The following ADGRB2 variants were observed in gnomAD, a reference collection of about 807,000 sequenced individuals.
The protein encoded by ADGRB2 is adhesion G protein-coupled receptor B2.
ADGRB2 carries 47 observed loss-of-function variants against 178.7 expected under a neutral mutation model. The observed-to-expected ratio is 0.26, with a 90% confidence interval of 0.21 to 0.34. The LOEUF is 0.34. Ranked by LOEUF, ADGRB2 falls within the 10% of genes least tolerant of loss-of-function variation. The probability of loss-of-function intolerance (pLI) is 1.00; values close to 1 mark genes in which losing one functional copy is unlikely to be tolerated. For synonymous variants in ADGRB2, 870 were observed against 912.4 expected, an observed-to-expected ratio of 0.95 and a Z score of 0.84; for missense variants, 1,584 against 2,180.8, an observed-to-expected ratio of 0.73 and a Z score of 5.45.
intron 6 of ADGRB2, among the ~76,000 whole-genome samples, chr1:31,743,936 T>C (rs1368616208): frequency 2.0e-5 from 3 of 152,186 alleles, no homozygotes; most frequent in Admixed American, 6.5e-5. Flanking sequence ...CGAGCCTTGG[T>C]TACCAGGATG....
Position 31,735,984 on chromosome 1 carries a change from C to T in ADGRB2, c.3201-91G>A, listed in dbSNP as rs1645586913. The T allele has an allele frequency of 4.5e-6, 6 of 1,322,744 alleles. No homozygotes were observed. Among genetic ancestry groups the T allele is most frequent in the Non-Finnish European group, 6.2e-6 (6 of 964,782 alleles). The allele number at this position is 1,322,744 out of a possible 1,614,324, so 81.9% of individuals were successfully genotyped here. On this transcript the variant is annotated intron_variant, in intron 22 of 32. Coordinates refer to ENST00000373658, the MANE Select transcript of ADGRB2 (RefSeq NM_001364857.2). This position sits in a 1 kb window ranked among gnomAD's most constrained non-coding sequence, Gnocchi z 6.0. ...CCCTCAGTCCTCCCAGGCTGCCATG[C>T]CCGCATCACCAGTGCAGTCTGAGCC...
At chr1:31,746,910 C>T (rs1303228639) in intron 4 of ADGRB2, among the ~76,000 whole-genome samples, 1 of 152,234 alleles carries the variant, frequency 6.6e-6, no homozygotes, top group East Asian at 1.9e-4. Context: ...TCCTCTGACC[C>T]TCTGTTTCCC....
At chr1:31,732,243 G>T (rs1405477558) in intron 27 of ADGRB2, 89 bp from the exon 28 acceptor site, 3 of 1,558,018 alleles carry the variant, frequency 1.9e-6, no homozygotes, top group African/African-American at 1.4e-5. Context: ...AGCCAGCTTT[G>T]CCCAGTCTGC....
chr1:31,737,625 G>A (rs1208393831), intron 19 of ADGRB2, 27 bp downstream of exon 19: 1 of 1,612,670 alleles, frequency 6.2e-7, no homozygotes, highest in Non-Finnish European at 8.5e-7. Context: ...CCCTCCCCCA[G>A]CCACAAGAGC....
At chr1:31,738,373 C>A (rs1473144027) in intron 17 of ADGRB2, 47 bp from the exon 18 acceptor site, 1 of 1,610,890 alleles carries the variant, frequency 6.2e-7, no homozygotes, top group South Asian at 1.1e-5. Context: ...GCTACGTGGC[C>A]CTGCCCCCAG....
In ADGRB2 at chr1:31,744,949, C is replaced by T. The variant is rs1646199031; in HGVS notation, c.839-218G>A. 6.6e-6 allele frequency among the ~76,000 whole-genome samples: 1 copy of T among 152,234 alleles called. No homozygotes were observed. On this transcript the variant is annotated intron_variant, in intron 4 of 32. Transcript: ENST00000373658. The surrounding 1 kb of genome is among the most constrained non-coding windows in gnomAD (Gnocchi z 6.7). ...GCTACACAGGACTAGGCCCTGACCT[C>T]ACAGTCATCTTTTCCACCTCTTGCC...
At chr1:31,739,130 C>T in intron 15 of ADGRB2, 178 bp downstream of exon 15, 1 of 888,106 alleles carries the variant, frequency 1.1e-6, no homozygotes, top group Non-Finnish European at 1.7e-6. Flanking sequence ...GCAGCCCAGC[C>T]TCTGAGAGCA....
Position 31,742,882 on chromosome 1 carries a change from C to T in ADGRB2, c.1208G>A (p.Gly403Asp), listed in dbSNP as rs1268012365. ...GCAGAGCTTAGTCTGCAGCTCAGGACCCTCGCAGGCCTTGCCGCCGTGCTG... is the reference window on the plus strand; with the variant it reads ...GCAGAGCTTAGTCTGCAGCTCAGGATCCTCGCAGGCCTTGCCGCCGTGCTG... The part of the protein sequence containing the change: ...PPQHGGKACE[G>D]PELQTKLCSM... Residue 403 changes from glycine to aspartate, a missense_variant, in exon 7 of 33, where the codon GGT becomes GAT. Gly to Asp is a moderately conservative substitution (Grantham distance 94). Transcript: ENST00000373658. 1.9e-6 allele frequency: 3 copies of T among 1,539,132 alleles called. No individual in the cohort carries two copies. The highest frequency in any genetic ancestry group is 2.6e-6 in the Non-Finnish European group (3 of 1,141,208).
intron 20 of ADGRB2, 55 bp downstream of exon 20, chr1:31,737,374 C>T (rs1645673447): frequency 6.6e-7 from 1 of 1,510,292 alleles, no homozygotes. Context: ...GCGCTCTCCA[C>T]CCTCACCCCT....
chr1:31,738,739 C>T, intron 16 of ADGRB2, 93 bp downstream of exon 16: 3 of 1,593,364 alleles, frequency 1.9e-6, no homozygotes. Context: ...CAGGGTTCAG[C>T]CCACCATCAG....
rs906216518 is a variant in ADGRB2 at position 31,727,852 on chromosome 1, CCT to C, written c.4572+171_4572+172del. 1.1e-4 allele frequency: 103 copies of C among 967,394 alleles called. No homozygotes were observed. In the East Asian group the frequency reaches 2.3e-3, roughly 22 times the overall value. 59.9% of individuals were successfully genotyped at this position (967,394 alleles called of 1,614,324 possible). A position where few individuals can be genotyped will look rare whatever the true frequency, so the allele number is the denominator to read the frequency against. The stretch of plus-strand genomic sequence containing the variant: ...CTCCCAATCCTGGAGGACCTCCACC[CCT>C]GTTCGCCATCTGCAGCACCTTCCCC... On this transcript the variant is annotated intron_variant, in intron 32 of 32. Transcript: ENST00000373658. The surrounding 1 kb of genome is among the most constrained non-coding windows in gnomAD (Gnocchi z 4.4).
At chr1:31,736,471 ACCCCTGTG>A in intron 21 of ADGRB2, 81 bp from the exon 22 acceptor site, 1 of 1,601,988 alleles carries the variant, frequency 6.2e-7, no homozygotes, top group Non-Finnish European at 8.5e-7. Flanking sequence ...ATCCCAGCTG[ACCCCTGTG>A]CCCAGAGAGC....
intron 16 of ADGRB2, 35 bp from the exon 17 acceptor site, chr1:31,738,665 G>C: frequency 6.2e-7 from 1 of 1,612,004 alleles, no homozygotes; most frequent in South Asian, 1.1e-5. Flanking sequence ...AGTCTAGGGA[G>C]GGAAGCTCAC....
At position 31,739,488 on chromosome 1, in the gene ADGRB2, C is replaced by T. The variant is rs1401589947; in HGVS notation, c.2315G>A (p.Gly772Glu). 1 of 1,612,286 alleles carries T rather than the reference C, an allele frequency of 6.2e-7. No individual in the cohort carries two copies. The highest frequency in any genetic ancestry group is 1.3e-5 in the African/African-American group (1 of 74,924). ...TGCTGCCCCAGATGTGGCTGGCTTC[C>T]CTGGGGAGGAGAGGCTGAGCACCTC... is the stretch of plus-strand genomic sequence containing the variant. ...PKEVLSLSSP[G>E]KPATSGAAGS... The change falls in exon 15 of 33, where the codon GGG becomes GAG. Residue 772 changes from glycine to glutamate, a missense_variant. This residue lies in a region of ADGRB2 where 865 missense variants were observed against 1,192.8 expected (regional missense o/e 0.73). Transcript: ENST00000373658.
rs1371470702 is a variant in ADGRB2 at position 31,727,297 on chromosome 1, G to A, written c.*123C>T. On this transcript the variant is annotated 3_prime_UTR_variant, in exon 33 of 33. Coordinates refer to ENST00000373658, the MANE Select transcript of ADGRB2 (RefSeq NM_001364857.2). This position sits in a 1 kb window ranked among gnomAD's most constrained non-coding sequence, Gnocchi z 4.4. ...GCTCCCCCAGCCTGGCTGAGTCCACGGCGCCTCCCTGCCCAGCCCTCGGGA... is the reference window on the plus strand; with the variant it reads ...GCTCCCCCAGCCTGGCTGAGTCCACAGCGCCTCCCTGCCCAGCCCTCGGGA... 7 of 1,252,762 alleles carry A rather than the reference G, an allele frequency of 5.6e-6. No homozygotes were observed. Among genetic ancestry groups the A allele is most frequent in the South Asian group, 1.7e-5 (1 of 60,542 alleles). 77.6% of individuals were successfully genotyped at this position (1,252,762 alleles called of 1,614,324 possible). A position where few individuals can be genotyped will look rare whatever the true frequency, so the allele number is the denominator to read the frequency against.
At chr1:31,732,178 G>C (rs367778329) in intron 27 of ADGRB2, 24 bp from the exon 28 acceptor site, 13 of 1,613,934 alleles carry the variant, frequency 8.1e-6, no homozygotes, top group South Asian at 1.1e-5. Context: ...GGGAGGGGCA[G>C]GTGGGCAGAG....
At position 31,728,803 on chromosome 1, in the gene ADGRB2, A is replaced by AACACACACACACAC. The variant is rs71006321; in HGVS notation, c.4381-184_4381-171dup. ...TGGGGCAGCTTTTCAGGCCTCACTG[A>AACACACACACACAC]ACACACACACACACACACACACACA... On this transcript the variant is annotated intron_variant, in intron 29 of 32. Transcript: ENST00000373658. The surrounding 1 kb of genome is among the most constrained non-coding windows in gnomAD (Gnocchi z 6.7). Among the ~76,000 whole-genome samples, 1,325 of 115,490 alleles carry AACACACACACACAC rather than the reference A, an allele frequency of 0.011. 37 individuals are homozygous for AACACACACACACAC. The highest frequency in any genetic ancestry group is 0.042 in the South Asian group (105 of 2,520). 75.8% of individuals were successfully genotyped at this position (115,490 alleles called of 152,430 possible). A position where few individuals can be genotyped will look rare whatever the true frequency, so the allele number is the denominator to read the frequency against.
intron 21 of ADGRB2, 30 bp from the exon 22 acceptor site, chr1:31,736,420 G>T: frequency 6.2e-7 from 1 of 1,612,954 alleles, no homozygotes; most frequent in South Asian, 1.1e-5. Context: ...AGAGTGAGAT[G>T]GTTGCTGGTC....
intron 21 of ADGRB2, 56 bp downstream of exon 21, chr1:31,736,517 T>C: frequency 1.2e-6 from 2 of 1,600,238 alleles, no homozygotes; most frequent in Non-Finnish European, 1.7e-6. Context: ...TGAACCTCTC[T>C]TGCTGCCCCT....
Sources: allele counts gnomAD v4.1 joint callset (sites outside exome capture counted in the v4.1 genomes callset), GRCh38; gene constraint gnomAD v4.1.1; regional missense constraint gnomAD v4.1.1; non-coding constraint Gnocchi (gnomAD v3.1); transcripts MANE v1.5; gene names NCBI Gene and HGNC (gene_info 2026-07-23, HGNC 2026-07-21).